Variants in WASF3 observed in about 807,000 individuals in gnomAD.
WASF3 encodes actin-binding protein WASF3.
In WASF3, 11 loss-of-function variants were observed where a neutral mutation model predicts 46.6. The ratio of observed to expected loss-of-function variants is 0.24; its 90% CI spans 0.15 to 0.39. The LOEUF (loss-of-function observed/expected upper bound fraction) is 0.39, where lower values mean the gene tolerates loss of function less well. Ranked by LOEUF, WASF3 falls within the 10% of genes least tolerant of loss-of-function variation. WASF3 has a pLI of 1.00. For synonymous variants in WASF3, 242 were observed against 259.7 expected, an observed-to-expected ratio of 0.93 and a Z score of 0.65; for missense variants, 576 against 669.8, an observed-to-expected ratio of 0.86 and a Z score of 1.55.
chr13:26,657,434 C>T (rs1264154861), intron 3 of WASF3, among the ~76,000 whole-genome samples: 3 of 152,194 alleles, frequency 2.0e-5, no homozygotes, highest in Admixed American at 2.0e-4. Flanking sequence ...TAGACACAGG[C>T]AGGGCCGCCA....
Position 26,670,963 on chromosome 13 carries a change from CTGTT to C in WASF3, c.423-906_423-903del, listed in dbSNP as rs368510700. ...TCTGAACAATTAAATTAGCCATTGA[CTGTT>C]TGGGCATAAACTCTCCTATACTCAT... On this transcript the variant is annotated intron_variant, in intron 5 of 9. Coordinates refer to ENST00000335327, the MANE Select transcript of WASF3 (RefSeq NM_006646.6). 7.4e-3 allele frequency among the ~76,000 whole-genome samples: 1,125 copies of C among 152,272 alleles called. 11 individuals carry two copies. Among genetic ancestry groups the C allele is most frequent in the African/African-American group, 0.026 (1,074 of 41,552 alleles).
intron 1 of WASF3, among the ~76,000 whole-genome samples, chr13:26,567,992 T>A (rs1274619170): frequency 1.3e-5 from 2 of 151,930 alleles, no homozygotes; most frequent in Non-Finnish European, 2.9e-5. Flanking sequence ...TGAACCTTAT[T>A]TGGGGAGAAA....
intron 2 of WASF3, among the ~76,000 whole-genome samples, chr13:26,621,152 T>G (rs2137241092): frequency 6.6e-6 from 1 of 152,296 alleles, no homozygotes; most frequent in South Asian, 2.1e-4. Context: ...GCGTTTTAAT[T>G]TCCAGGAATG....
chr13:26,649,745 C>T (rs1882256871), intron 3 of WASF3, among the ~76,000 whole-genome samples: 1 of 152,176 alleles, frequency 6.6e-6, no homozygotes, highest in Admixed American at 6.5e-5. Context: ...GGAGAAAAAT[C>T]TCTTTGTTCG....
intron 3 of WASF3, among the ~76,000 whole-genome samples, chr13:26,650,481 T>TA (rs1393199889): frequency 6.6e-6 from 1 of 152,120 alleles, no homozygotes; most frequent in Non-Finnish European, 1.5e-5. Flanking sequence ...AAGATTCAGA[T>TA]ATGGGAGGAG....
At chr13:26,676,448 T>G (rs1165916379) in intron 6 of WASF3, 101 bp from the exon 7 acceptor site, 15 of 1,296,878 alleles carry the variant, frequency 1.2e-5, no homozygotes. Context: ...GTGTCTTGTC[T>G]GTTCATCAGG....
chr13:26,545,947 G>A, the WASF3 span, among the ~76,000 whole-genome samples: 6 of 152,000 alleles, frequency 3.9e-5, no homozygotes, highest in African/African-American at 1.5e-4. Flanking sequence ...GTCTTAATGT[G>A]GTTTAATAAA....
chr13:26,586,171 T>A (rs1880120980), intron 1 of WASF3, among the ~76,000 whole-genome samples: 1 of 152,164 alleles, frequency 6.6e-6, no homozygotes, highest in South Asian at 2.1e-4. Flanking sequence ...AGTTTAATAT[T>A]TGCCCTTTAT....
rs567200770 is a variant in WASF3 at position 26,628,084 on chromosome 13, T to G, written c.-10-14177T>G. On this transcript the variant is annotated intron_variant, in intron 2 of 9. Transcript: ENST00000335327. ...TGTGTTTCAGGCCAACCTGATGGAATGAGCTAGAACTGAGACCTCAGAATA... is the reference window on the plus strand; with the variant it reads ...TGTGTTTCAGGCCAACCTGATGGAAGGAGCTAGAACTGAGACCTCAGAATA... Among the ~76,000 whole-genome samples, 179 of 152,090 alleles carry G rather than the reference T, an allele frequency of 1.2e-3. 1 individual carries two copies. Among genetic ancestry groups the G allele is most frequent in the Admixed American group, 6.2e-3 (95 of 15,266 alleles).
upstream of WASF3, among the ~76,000 whole-genome samples, chr13:26,555,885 T>G (rs1160030187): frequency 1.3e-5 from 2 of 152,234 alleles, no homozygotes; most frequent in African/African-American, 2.4e-5. Context: ...GATGAGGCAC[T>G]TATTAGCGGT....
At chr13:26,618,546 A>G (rs1402406171) in intron 2 of WASF3, among the ~76,000 whole-genome samples, 1 of 150,670 alleles carries the variant, frequency 6.6e-6, no homozygotes, top group Non-Finnish European at 1.5e-5. Context: ...TTTTTACTAA[A>G]TGGCATACTG....
intron 1 of WASF3, among the ~76,000 whole-genome samples, chr13:26,600,758 A>G (rs932037207): frequency 3.3e-5 from 5 of 152,244 alleles, no homozygotes; most frequent in African/African-American, 1.2e-4. Context: ...GAACAGGAGC[A>G]TCCGCTCTGC....
rs887331078 is a variant in WASF3, at chr13:26,679,710, A to G, written c.717-1344A>G. ...TTTAAAATACTCTAAATCTAAATAC[A>G]GGTCAGGTCCTTCCCCCATTAAATA... On this transcript the variant is annotated intron_variant, in intron 7 of 9. Transcript: ENST00000335327. This position sits in a 1 kb window ranked among gnomAD's most constrained non-coding sequence, Gnocchi z 4.8. Among the ~76,000 whole-genome samples, 4 of 152,224 alleles carry G rather than the reference A, an allele frequency of 2.6e-5. No individual in the cohort carries two copies. Among genetic ancestry groups the G allele is most frequent in the Non-Finnish European group, 4.4e-5 (3 of 68,040 alleles).
chr13:26,543,154 C>G, the WASF3 span, among the ~76,000 whole-genome samples: 14 of 152,044 alleles, frequency 9.2e-5, no homozygotes, highest in African/African-American at 3.4e-4. Context: ...GTGGTGGGGA[C>G]GTGGAGGTGG....
At chr13:26,567,112 T>C (rs1470352929) in intron 1 of WASF3, among the ~76,000 whole-genome samples, 1 of 152,204 alleles carries the variant, frequency 6.6e-6, no homozygotes. Flanking sequence ...AAAGTGAAAG[T>C]ACAACAATCA....
chr13:26,564,811 G>A (rs1208626633), intron 1 of WASF3, among the ~76,000 whole-genome samples: 1 of 150,910 alleles, frequency 6.6e-6, no homozygotes, highest in South Asian at 2.1e-4. Context: ...TCACTACTGG[G>A]TAGTTTACAC....
At chr13:26,627,782 TGC>T in intron 2 of WASF3, among the ~76,000 whole-genome samples, 1 of 151,754 alleles carries the variant, frequency 6.6e-6, no homozygotes, top group South Asian at 2.1e-4. Flanking sequence ...ATATACCTAA[TGC>T]TAGATGACGA....
At chr13:26,633,132 T>C (rs1038209976) in intron 2 of WASF3, among the ~76,000 whole-genome samples, 2 of 151,940 alleles carry the variant, frequency 1.3e-5, no homozygotes, top group African/African-American at 4.8e-5. Context: ...AGCTCCTGGA[T>C]TCATTGATTT....
intron 3 of WASF3, among the ~76,000 whole-genome samples, chr13:26,659,864 AG>A (rs771183262): frequency 2.0e-5 from 3 of 152,058 alleles, no homozygotes; most frequent in African/African-American, 4.8e-5. Context: ...CAGGCTTATG[AG>A]GGGGTATTAG....
Sources: allele counts gnomAD v4.1 joint callset (sites outside exome capture counted in the v4.1 genomes callset), GRCh38; gene constraint gnomAD v4.1.1; non-coding constraint Gnocchi (gnomAD v3.1); transcripts MANE v1.5; gene names NCBI Gene and HGNC (gene_info 2026-07-23, HGNC 2026-07-21).